Variants in TENM2 observed in about 807,000 individuals in gnomAD.
TENM2 encodes teneurin transmembrane protein 2, also known as teneurin-2.
Under a neutral mutation model 245.2 loss-of-function variants are expected in TENM2, and 52 were observed. The observed-to-expected ratio is 0.21, with a 90% CI of 0.17 to 0.27. The LOEUF is 0.27. Among genes scored for constraint, TENM2 ranks in the 10% least tolerant of loss-of-function variants. The pLI, the probability that TENM2 is intolerant of heterozygous loss-of-function variation, is 1.00. For synonymous variants in TENM2, 1,363 were observed against 1,438.9 expected (o/e 0.95, Z 1.19); for missense variants, 3,046 against 3,666.8 (o/e 0.83, Z 4.37).
chr5:166,995,660 AC>A, the TENM2 span, among the ~76,000 whole-genome samples: 6 of 151,658 alleles, frequency 4.0e-5, no homozygotes, highest in African/African-American at 1.5e-4. Context: ...TACTAAAAAT[AC>A]AAAAATTAGC....
At position 167,400,591 on chromosome 5, in the gene TENM2, C is replaced by T. The variant is rs531459886; in HGVS notation, c.502+25118C>T. Among the ~76,000 whole-genome samples the T allele has an allele frequency of 3.3e-5, 5 of 151,708 alleles. No individual in the cohort carries two copies. In the South Asian group the frequency reaches 1.0e-3, roughly 32 times the overall value. On this transcript the variant is annotated intron_variant, in intron 2 of 28. Transcript: ENST00000518659. ...GGAAATTAAGATAAGAAAACCATCACCCATAGATTATAAATGGGGCTACAT... is the reference window on the plus strand; with the variant it reads ...GGAAATTAAGATAAGAAAACCATCATCCATAGATTATAAATGGGGCTACAT...
At chr5:167,697,292 T>G (rs1160654461) in intron 2 of TENM2, among the ~76,000 whole-genome samples, 1 of 152,188 alleles carries the variant, frequency 6.6e-6, no homozygotes, top group Non-Finnish European at 1.5e-5. Context: ...CCTCCTTGGC[T>G]CCCACTTTTA....
intron 2 of TENM2, among the ~76,000 whole-genome samples, chr5:167,752,786 G>A (rs1762046594): frequency 6.6e-6 from 1 of 152,168 alleles, no homozygotes; most frequent in African/African-American, 2.4e-5. Flanking sequence ...TCCCCCAGAT[G>A]TTCTGCAAAC....
chr5:167,704,896 A>T (rs1342052631), intron 2 of TENM2, among the ~76,000 whole-genome samples: 1 of 152,164 alleles, frequency 6.6e-6, no homozygotes, highest in Non-Finnish European at 1.5e-5. Flanking sequence ...AGCATGTGTT[A>T]GGTCTGCTGG....
chr5:168,027,338 A>G (rs987420820), intron 5 of TENM2, among the ~76,000 whole-genome samples: 5 of 152,136 alleles, frequency 3.3e-5, no homozygotes, highest in Non-Finnish European at 5.9e-5. Flanking sequence ...CTTACATCCA[A>G]ACATACTGCC....
At chr5:168,024,294 C>T (rs900973666) in intron 5 of TENM2, among the ~76,000 whole-genome samples, 4 of 152,170 alleles carry the variant, frequency 2.6e-5, no homozygotes, top group African/African-American at 9.7e-5. Context: ...GTAATTGGAG[C>T]TCCTGCGTGC....
rs188888787 is a variant in TENM2, at chr5:167,848,541, C to G, written c.503-27445C>G. Among the ~76,000 whole-genome samples the G allele has an allele frequency of 1.1e-4, 16 of 152,254 alleles. No individual in the cohort carries two copies. The East Asian group carries it at 2.5e-3, about 24-fold the overall frequency. ...ATGAGGCCAGTGGGCTGCCACAGGG[C>G]CAACTCTGCTCCAGAGAGCAGCATT... On this transcript the variant is annotated intron_variant, in intron 2 of 28. Transcript: ENST00000518659.
intron 2 of TENM2, among the ~76,000 whole-genome samples, chr5:167,505,354 A>AT (rs549283900): frequency 1.5e-4 from 23 of 152,276 alleles, no homozygotes; most frequent in Admixed American, 1.1e-3. Flanking sequence ...CATTTATATT[A>AT]TTTTTTGAGG....
chr5:167,378,422 C>T (rs1285778791), intron 2 of TENM2, among the ~76,000 whole-genome samples: 2 of 145,730 alleles, frequency 1.4e-5, no homozygotes, highest in African/African-American at 2.5e-5. Context: ...AGTGCTTCAT[C>T]CTACACTCAT....
chr5:167,915,611 A>G (rs967185750), intron 3 of TENM2, among the ~76,000 whole-genome samples: 1 of 152,104 alleles, frequency 6.6e-6, no homozygotes, highest in African/African-American at 2.4e-5. Flanking sequence ...ACCAATTATC[A>G]CCTCATCCCC....
intron 2 of TENM2, among the ~76,000 whole-genome samples, chr5:167,758,837 T>C (rs1722261699): frequency 6.6e-6 from 1 of 152,074 alleles, no homozygotes; most frequent in African/African-American, 2.4e-5. Context: ...TTGCCAGGTT[T>C]GGGTGTCATC....
chr5:167,129,377 G>A, the TENM2 span, among the ~76,000 whole-genome samples: 2 of 152,168 alleles, frequency 1.3e-5, no homozygotes, highest in Non-Finnish European at 2.9e-5. Context: ...TGAGAGATAG[G>A]CAGTGCAATT....
chr5:167,265,945 G>A, the TENM2 span, among the ~76,000 whole-genome samples: 1 of 152,072 alleles, frequency 6.6e-6, no homozygotes, highest in African/African-American at 2.4e-5. Context: ...TCTCGCTCAT[G>A]AAACTGGCAT....
At chr5:167,673,259 T>A (rs17068955) in intron 2 of TENM2, among the ~76,000 whole-genome samples, 9,607 of 152,126 alleles carry the variant, frequency 0.063, 970 homozygotes, top group East Asian at 0.41. Flanking sequence ...TGTTCAGTAT[T>A]GTTTCAATTT....
At chr5:167,873,140 G>A (rs2151369831) in intron 2 of TENM2, among the ~76,000 whole-genome samples, 1 of 152,356 alleles carries the variant, frequency 6.6e-6, no homozygotes, top group South Asian at 2.1e-4. Flanking sequence ...CTGAGTTCAG[G>A]AGCCTTGAAG....
the TENM2 span, among the ~76,000 whole-genome samples, chr5:167,080,383 C>A: frequency 6.8e-3 from 1,034 of 152,172 alleles, 11 homozygotes; most frequent in African/African-American, 0.023. Context: ...AACTTTTGAA[C>A]CTGTTATTAT....
chr5:167,066,894 G>T, the TENM2 span, among the ~76,000 whole-genome samples: 4 of 152,048 alleles, frequency 2.6e-5, no homozygotes, highest in Admixed American at 2.0e-4. Context: ...AATGATAACA[G>T]TCCTCATATG....
In TENM2 at chr5:168,126,244, C is replaced by G. The variant is rs2152357334; in HGVS notation, c.2210-510C>G. On this transcript the variant is annotated intron_variant, in intron 11 of 28. Transcript: ENST00000518659. ...GAGCAGCGGGGTCCCCAACTGACCT[C>G]TTGTGCTTGGTCAGTTCAGGCTGTC... 2.6e-5 allele frequency among the ~76,000 whole-genome samples: 4 copies of G among 152,288 alleles called. No individual in the cohort carries two copies. In the Middle Eastern group the frequency reaches 0.01, roughly 388 times the overall value.
chr5:167,293,417 T>A (rs1754768184), intron 1 of TENM2, among the ~76,000 whole-genome samples: 1 of 149,056 alleles, frequency 6.7e-6, no homozygotes. Context: ...ACGGGGTTTC[T>A]CCATGTTGGT....
Sources: allele counts gnomAD v4.1 joint callset (sites outside exome capture counted in the v4.1 genomes callset), GRCh38; gene constraint gnomAD v4.1.1; transcripts MANE v1.5; gene names NCBI Gene and HGNC (gene_info 2026-07-23, HGNC 2026-07-21).